Variants in CNTN5 observed in about 807,000 individuals in gnomAD.
The protein encoded by CNTN5 is contactin 5, also known as contactin-5.
Under a neutral mutation model 129.1 loss-of-function variants are expected in CNTN5, and 77 were observed. The ratio of observed to expected loss-of-function variants is 0.60; its 90% confidence interval spans 0.50 to 0.72. The LOEUF is 0.72. CNTN5 is among the 30% of genes least tolerant of loss of function. CNTN5 has a pLI of 0.00. For synonymous variants in CNTN5, 509 were observed against 465.6 expected (o/e 1.09, Z -1.20); for missense variants, 1,478 against 1,328.8 (o/e 1.11, Z -1.75).
At position 99,338,819 on chromosome 11, in the gene CNTN5, TTAAA is replaced by T. The variant is rs929377071; in HGVS notation, c.-71+13343_-71+13346del. 4.6e-5 allele frequency among the ~76,000 whole-genome samples: 7 copies of T among 151,200 alleles called. No homozygotes were observed. In the East Asian group the frequency reaches 5.8e-4, roughly 13 times the overall value. On this transcript the variant is annotated intron_variant, in intron 2 of 24. Coordinates refer to ENST00000524871, the MANE Select transcript of CNTN5 (RefSeq NM_014361.4). The stretch of plus-strand genomic sequence containing the variant: ...GTGTCAACTTTAGTTATAAAATGTG[TTAAA>T]TAAATAATCTAGGAAAATCATTATA...
chr11:99,219,211 A>C (rs1397926061), intron 1 of CNTN5, among the ~76,000 whole-genome samples: 1 of 152,024 alleles, frequency 6.6e-6, no homozygotes. Flanking sequence ...CAGAGCTTAC[A>C]GTTTGCAAAT....
intron 6 of CNTN5, among the ~76,000 whole-genome samples, chr11:99,903,128 C>A (rs1949402875): frequency 6.6e-6 from 1 of 151,978 alleles, no homozygotes; most frequent in African/African-American, 2.4e-5. Context: ...AGAAAGCAAG[C>A]AATTTACTTC....
At chr11:100,013,801 A>G (rs1177534639) in intron 9 of CNTN5, among the ~76,000 whole-genome samples, 2 of 152,172 alleles carry the variant, frequency 1.3e-5, no homozygotes, top group Non-Finnish European at 2.9e-5. Context: ...AAGCCGATTT[A>G]TCTAACAATA....
intron 20 of CNTN5, among the ~76,000 whole-genome samples, chr11:100,300,778 A>T (rs1412895862): frequency 1.3e-5 from 2 of 151,578 alleles, no homozygotes; most frequent in Admixed American, 1.3e-4. Flanking sequence ...AACTAGAGGT[A>T]TTCTGATGAG....
chr11:99,600,339 C>G (rs1011362129), intron 3 of CNTN5, among the ~76,000 whole-genome samples: 1 of 152,002 alleles, frequency 6.6e-6, no homozygotes, highest in Non-Finnish European at 1.5e-5. Flanking sequence ...GTTCATGTTC[C>G]CTGCTGAAAT....
At chr11:100,136,788 TA>T (rs11286130) in intron 13 of CNTN5, among the ~76,000 whole-genome samples, 89,470 of 147,408 alleles carry the variant, frequency 0.61, 28,685 homozygotes, top group African/African-American at 0.85. Flanking sequence ...TCCACATTGT[TA>T]AAAAAAAAAA....
rs1941701471 is a variant in CNTN5, at chr11:100,031,421, T to C, written c.980+29285T>C. Among the ~76,000 whole-genome samples, 4 of 152,210 alleles carry C rather than the reference T, an allele frequency of 2.6e-5. No homozygotes were observed. The South Asian group carries it at 8.3e-4, about 32-fold the overall frequency. On this transcript the variant is annotated intron_variant, in intron 9 of 24. Transcript: ENST00000524871. The stretch of plus-strand genomic sequence containing the variant: ...CCTGTCCCAGAAAAGCAGATGTTCA[T>C]ACATCTGGGAATGGAATGCGACCCT...
intron 2 of CNTN5, among the ~76,000 whole-genome samples, chr11:99,483,575 G>T (rs1945689065): frequency 1.3e-5 from 2 of 152,092 alleles, no homozygotes; most frequent in Non-Finnish European, 2.9e-5. Context: ...TCTATTAGGA[G>T]CCTCCCTGGT....
chr11:100,011,915 A>T (rs1940558707), intron 9 of CNTN5, among the ~76,000 whole-genome samples: 1 of 152,086 alleles, frequency 6.6e-6, no homozygotes, highest in African/African-American at 2.4e-5. Flanking sequence ...ACAGTGTGCA[A>T]CTGGCAAACG....
intron 4 of CNTN5, among the ~76,000 whole-genome samples, chr11:99,834,344 C>A (rs1947236763): frequency 6.6e-6 from 1 of 152,084 alleles, no homozygotes; most frequent in African/African-American, 2.4e-5. Context: ...TGAAAACTTA[C>A]ATATTGAAAA....
intron 13 of CNTN5, among the ~76,000 whole-genome samples, chr11:100,143,123 T>C (rs752844363): frequency 2.6e-5 from 4 of 152,206 alleles, no homozygotes; most frequent in Non-Finnish European, 4.4e-5. Flanking sequence ...CTCAAGCATC[T>C]TGGATAAGCC....
rs953401229 is a variant in CNTN5 at position 100,299,232 on chromosome 11, G to A, written c.2456G>A (p.Arg819His). 6 of 1,610,032 alleles carry A rather than the reference G, an allele frequency of 3.7e-6. No homozygotes were observed. Among genetic ancestry groups the A allele is most frequent in the Middle Eastern group, 1.6e-4 (1 of 6,070 alleles). Reference protein sequence around the residue: ...YIVAFRPNGTRGWKEKMVTSS... With the variant: ...YIVAFRPNGTHGWKEKMVTSS... ...GTGGCTTTCAGACCCAATGGAACAC[G>A]TGGCTGGAAGGAAAAAATGGTGACA... The change falls in exon 20 of 25, where the codon CGT becomes CAT. Residue 819 changes from arginine (R) to histidine (H), a missense_variant. Transcript: ENST00000524871.
intron 3 of CNTN5, among the ~76,000 whole-genome samples, chr11:99,561,657 T>C (rs367983323): frequency 8.4e-4 from 2 of 2,376 alleles, no homozygotes; most frequent in Non-Finnish European, 2.0e-3. Flanking sequence ...ATGTTGATGA[T>C]ATTACCCTTG....
chr11:100,112,995 A>G (rs1945704857), intron 13 of CNTN5, among the ~76,000 whole-genome samples: 1 of 152,148 alleles, frequency 6.6e-6, no homozygotes, highest in South Asian at 2.1e-4. Context: ...TCTTTGTAAC[A>G]GAATTCTTGA....
At chr11:100,041,519 C>A (rs1388047190) in intron 9 of CNTN5, among the ~76,000 whole-genome samples, 1 of 152,094 alleles carries the variant, frequency 6.6e-6, no homozygotes, top group African/African-American at 2.4e-5. Flanking sequence ...TACTCTTGTT[C>A]CTTGGCAAGG....
At chr11:99,117,999 A>G (rs1591220557) in intron 1 of CNTN5, among the ~76,000 whole-genome samples, 1 of 152,302 alleles carries the variant, frequency 6.6e-6, no homozygotes, top group South Asian at 2.1e-4. Context: ...CTGAAGAGTA[A>G]TTTCCAATGA....
At chr11:99,222,531 T>C (rs1032936366) in intron 1 of CNTN5, among the ~76,000 whole-genome samples, 1 of 152,042 alleles carries the variant, frequency 6.6e-6, no homozygotes, top group Non-Finnish European at 1.5e-5. Context: ...CTTATGAACA[T>C]TTTCAAAAGG....
chr11:99,166,163 G>A (rs934546473), intron 1 of CNTN5, among the ~76,000 whole-genome samples: 1 of 152,030 alleles, frequency 6.6e-6, no homozygotes, highest in Non-Finnish European at 1.5e-5. Context: ...CAGCACTTTG[G>A]GAGGCCAAAG....
chr11:100,263,261 T>C (rs925360581), intron 17 of CNTN5, among the ~76,000 whole-genome samples: 1 of 152,158 alleles, frequency 6.6e-6, no homozygotes, highest in Non-Finnish European at 1.5e-5. Context: ...ATGACCTCTA[T>C]TGACCTGTTT....
Sources: gnomAD v4.1 joint callset for allele counts (sites outside exome capture counted in the v4.1 genomes callset) on GRCh38, gnomAD v4.1.1 for gene constraint, MANE v1.5 for transcripts, NCBI Gene and HGNC (gene_info 2026-07-23, HGNC 2026-07-21) for gene names.